Variants in ZNF746 observed in about 807,000 individuals in gnomAD.
ZNF746 encodes the protein parkin-interacting substrate.
Under a neutral mutation model 41.0 loss-of-function variants are expected in ZNF746, and 13 were observed. The ratio of observed to expected loss-of-function variants is 0.32; its 90% CI spans 0.21 to 0.50. The LOEUF (loss-of-function observed/expected upper bound fraction) is 0.50, where lower values mean the gene tolerates loss of function less well. ZNF746 is among the 20% of genes least tolerant of loss of function. ZNF746 has a pLI of 0.98. For missense variants in ZNF746, 811 were observed against 922.9 expected (o/e 0.88, Z 1.57); for synonymous variants, 424 against 396.2 (o/e 1.07, Z -0.83).
chr7:149,497,430 C>T lies in ZNF746; in HGVS notation c.24+83G>A, dbSNP rs867638197. Reference sequence around the variant, plus strand: ...CGGCCCGGACCCCGGAACCCCTCCCCAGGGCCTGCGGCGCCGTGTGCCGGG... The same window carrying T: ...CGGCCCGGACCCCGGAACCCCTCCCTAGGGCCTGCGGCGCCGTGTGCCGGG... On this transcript the variant is annotated intron_variant, in intron 1 of 6. Transcript: ENST00000458143. This position sits in a 1 kb window ranked among gnomAD's most constrained non-coding sequence, Gnocchi z 4.2. The T allele has an allele frequency of 9.6e-6, 10 of 1,043,376 alleles. No individual in the cohort carries two copies. Among genetic ancestry groups the T allele is most frequent in the Middle Eastern group, 4.4e-4 (1 of 2,260 alleles). The allele number at this position is 1,043,376 out of a possible 1,614,324, so 64.6% of individuals were successfully genotyped here.
rs1263671367 is a variant in ZNF746, at chr7:149,474,948, C to A, written c.1419G>T (p.Thr473=). The change falls in exon 7 of 7, where the codon ACG becomes ACT. Residue 473 remains threonine (T), a synonymous_variant. Coordinates refer to ENST00000458143, the MANE Select transcript of ZNF746 (RefSeq NM_001394198.1). This position sits in a 1 kb window ranked among gnomAD's most constrained non-coding sequence, Gnocchi z 6.3. ...PPGGRPFTCA[T]CGKSFQLQVS... is the part of the protein sequence containing the mutation. Reference sequence around the variant, plus strand: ...CTTGCAGCTGGAAGCTCTTCCCACACGTGGCGCAGGTGAAGGGCCGGCCCC... The same window carrying A: ...CTTGCAGCTGGAAGCTCTTCCCACAAGTGGCGCAGGTGAAGGGCCGGCCCC... The A allele has an allele frequency of 5.8e-6, 9 of 1,545,646 alleles. No individual in the cohort carries two copies. The highest frequency in any genetic ancestry group is 2.7e-5 in the African/African-American group (2 of 72,936).
At chr7:149,477,940 T>C (rs546821227) in intron 4 of ZNF746, 185 bp from the exon 5 acceptor site, 11 of 501,242 alleles carry the variant, frequency 2.2e-5, no homozygotes, top group African/African-American at 5.8e-5. Flanking sequence ...TCACATGGTA[T>C]TGGGAATGCG....
Position 149,494,332 on chromosome 7 carries a change from C to T in ZNF746, c.196G>A (p.Val66Met), listed in dbSNP as rs751170528. The T allele has an allele frequency of 4.3e-6, 7 of 1,614,056 alleles. No homozygotes were observed. Among genetic ancestry groups the T allele is most frequent in the Middle Eastern group, 1.7e-4 (1 of 6,056 alleles). ...FGNQLEGKWA[V>M]LGTLLQEYGL... The stretch of plus-strand genomic sequence containing the variant: ...TACTCCTGCAGCAGGGTCCCCAGCA[C>T]GGCCCACTTGCCCTCCAGCTGGTTC... The change falls in exon 2 of 7, where the codon GTG (valine) becomes ATG (methionine). Residue 66 changes from valine (V) to methionine (M), a missense_variant. Val to Met is a conservative substitution (Grantham distance 21). Coordinates refer to ENST00000458143, the MANE Select transcript of ZNF746 (RefSeq NM_001394198.1). The surrounding 1 kb of genome is among the most constrained non-coding windows in gnomAD (Gnocchi z 5.6).
intron 1 of ZNF746, among the ~76,000 whole-genome samples, chr7:149,496,131 C>T (rs1243961453): frequency 6.6e-6 from 1 of 152,222 alleles, no homozygotes; most frequent in Non-Finnish European, 1.5e-5. Context: ...CCTACCCATC[C>T]TCCACGTGCA....
In ZNF746 at chr7:149,476,918, G is replaced by A. The variant is rs999307999; in HGVS notation, c.883+4C>T. On this transcript the variant is annotated splice_donor_region_variant and intron_variant, in intron 6 of 6. Transcript: ENST00000458143. ...CCTTCCCTTCCTCCTCTCGCCACCTGTACCTTCCGTGGAGGCTGCTGTGTT... is the reference window on the plus strand; with the variant it reads ...CCTTCCCTTCCTCCTCTCGCCACCTATACCTTCCGTGGAGGCTGCTGTGTT... 6.2e-7 allele frequency: 1 copy of A among 1,613,982 alleles called. No homozygotes were observed. The highest frequency in any genetic ancestry group is 8.5e-7 in the Non-Finnish European group (1 of 1,179,940).
chr7:149,491,517 G>C (rs1800807742), intron 4 of ZNF746: 3 of 256,488 alleles, frequency 1.2e-5, no homozygotes, highest in Non-Finnish European at 7.8e-6. Context: ...GTCCTCTAGT[G>C]TTCAGCACTG....
Position 149,475,167 on chromosome 7 carries a change from C to G in ZNF746, c.1200G>C (p.Arg400=), listed in dbSNP as rs147005430. ...GGTTCAGGCCCACTGGCGGTTTACA[C>G]CGGAAATTCCAGCCCCACCGGACCC... is the stretch of plus-strand genomic sequence containing the variant. ...FGGVRWGWNF[R]CKPPVGLNPR... The change falls in exon 7 of 7, where the codon CGG becomes CGC. Residue 400 remains arginine, a synonymous_variant. Transcript: ENST00000458143. 6.2e-7 allele frequency: 1 copy of G among 1,612,628 alleles called. No individual in the cohort carries two copies. The highest frequency in any genetic ancestry group is 1.7e-5 in the Admixed American group (1 of 59,986).
At chr7:149,489,033 A>C (rs1259642720) in intron 4 of ZNF746, 1 of 152,240 alleles carries the variant, frequency 6.6e-6, no homozygotes, top group Admixed American at 6.5e-5. Context: ...GATAAGTCTG[A>C]AATACAGAAT....
At chr7:149,478,790 A>G (rs1378279233) in intron 4 of ZNF746, among the ~76,000 whole-genome samples, 19 of 152,274 alleles carry the variant, frequency 1.2e-4, no homozygotes, top group Admixed American at 1.2e-3. Flanking sequence ...CAGAATCTTT[A>G]AGGCAAGAAC....
At chr7:149,492,274 G>A (rs531443318) in intron 4 of ZNF746, among the ~76,000 whole-genome samples, 2 of 152,300 alleles carry the variant, frequency 1.3e-5, no homozygotes, top group Non-Finnish European at 2.9e-5. Flanking sequence ...TGAGGAGGAT[G>A]ACCTTTATGA....
At chr7:149,476,513 T>C (rs1455234071) in intron 6 of ZNF746, among the ~76,000 whole-genome samples, 3 of 152,084 alleles carry the variant, frequency 2.0e-5, no homozygotes, top group African/African-American at 7.2e-5. Context: ...ATAAATTTGG[T>C]GGTGGTTCTT....
At position 149,475,326 on chromosome 7, in the gene ZNF746, G is replaced by A. The variant is rs777548047; in HGVS notation, c.1041C>T (p.Ser347=). The A allele has an allele frequency of 6.2e-7, 1 of 1,614,066 alleles. No individual in the cohort carries two copies. The highest frequency in any genetic ancestry group is 8.5e-7 in the Non-Finnish European group (1 of 1,180,000). The part of the protein sequence containing the change: ...PSPAQEGAWE[S]QGSSFPSQDP... Reference sequence around the variant, plus strand: ...CCTGGCTGGGGAAGGAGCTGCCCTGGCTTTCCCAGGCTCCTTCCTGGGCAG... The same window carrying A: ...CCTGGCTGGGGAAGGAGCTGCCCTGACTTTCCCAGGCTCCTTCCTGGGCAG... The change falls in exon 7 of 7, where the codon AGC becomes AGT. Residue 347 remains serine (S), a synonymous_variant. Transcript: ENST00000458143.
chr7:149,477,023 G>C lies in ZNF746; in HGVS notation c.782C>G (p.Thr261Ser). 1 of 1,613,636 alleles carries C rather than the reference G, an allele frequency of 6.2e-7. No individual in the cohort carries two copies. Among genetic ancestry groups the C allele is most frequent in the Middle Eastern group, 1.6e-4 (1 of 6,062 alleles). The change falls in exon 6 of 7, where the codon ACC (threonine) becomes AGC (serine). Residue 261 changes from threonine (T) to serine (S), a missense_variant. Transcript: ENST00000458143. The stretch of plus-strand genomic sequence containing the variant: ...CGTTTGCCAGGAGGTGGGCGGGATG[G>C]TGGTGGAAAAGTTGGAATGGACACC... The part of the protein sequence containing the change: ...TSGVHSNFST[T>S]IPPTSWQTDL...
rs772366487 is a variant in ZNF746, at chr7:149,475,354, C to T, written c.1013G>A (p.Ser338Asn). Residue 338 changes from serine (S) to asparagine (N), a missense_variant, in exon 7 of 7, where the codon AGT (serine) becomes AAT (asparagine). This residue lies in a region of ZNF746 where 495 missense variants were observed against 481.6 expected (regional missense o/e 1.03). Transcript: ENST00000458143. ...TTCCCAGGCTCCTTCCTGGGCAGGA[C>T]TAGGGAAGAACCGTGTGGCTTGGCC... ...GPGQATRFFP[S>N]PAQEGAWESQ... 5 of 1,614,008 alleles carry T rather than the reference C, an allele frequency of 3.1e-6. No homozygotes were observed. Among genetic ancestry groups the T allele is most frequent in the South Asian group, 1.1e-5 (1 of 91,092 alleles).
At position 149,474,496 on chromosome 7, in the gene ZNF746, G is replaced by A. The variant is rs1266331859; in HGVS notation, c.1871C>T (p.Pro624Leu). 9 of 1,610,368 alleles carry A rather than the reference G, an allele frequency of 5.6e-6. No homozygotes were observed. The highest frequency in any genetic ancestry group is 5.9e-6 in the Non-Finnish European group (7 of 1,178,354). ...GGAGGCGGGGCTCTTGAAGGGATCA[G>A]GAGGTGCGGGCGGCGTCGGGAGTGG... is the stretch of plus-strand genomic sequence containing the variant. ...GQPLPTPPAP[P>L]DPFKSPASKG... The change falls in exon 7 of 7, where the codon CCT (proline) becomes CTT (leucine). Residue 624 changes from proline (P) to leucine (L), a missense_variant. Pro to Leu is a moderately conservative substitution (Grantham distance 98). Around this residue, in one of 4 missense-constraint regions of ZNF746, gnomAD observed 99 missense variants for 80.3 expected, o/e 1.23. Transcript: ENST00000458143. The surrounding 1 kb of genome is among the most constrained non-coding windows in gnomAD (Gnocchi z 6.3).
At position 149,492,787 on chromosome 7, in the gene ZNF746, C is replaced by T. The variant is rs527444033; in HGVS notation, c.565+72G>A. ...CTCGACTCTCTCTGGAAAGATCACA[C>T]CCTTTCTGGCCTTTCCGTCTCTGTT... On this transcript the variant is annotated intron_variant, in intron 4 of 6. Transcript: ENST00000458143. The T allele has an allele frequency of 3.4e-4, 355 of 1,051,468 alleles. 1 individual carries two copies. The highest frequency in any genetic ancestry group is 4.6e-4 in the Non-Finnish European group (318 of 686,682). The allele number at this position is 1,051,468 out of a possible 1,614,324, so 65.1% of individuals were successfully genotyped here.
intron 1 of ZNF746, among the ~76,000 whole-genome samples, chr7:149,495,504 G>C (rs949422121): frequency 5.3e-5 from 8 of 152,188 alleles, no homozygotes; most frequent in African/African-American, 1.9e-4. Flanking sequence ...GGTGGGTAGG[G>C]AGCTGGACTG....
In ZNF746 at chr7:149,494,561, C is replaced by G. The variant is rs1162602086; in HGVS notation, c.25-58G>C. On this transcript the variant is annotated intron_variant, in intron 1 of 6. Transcript: ENST00000458143. The surrounding 1 kb of genome is among the most constrained non-coding windows in gnomAD (Gnocchi z 5.6). Reference sequence around the variant, plus strand: ...CATTCCATCCACTGTCTTCATTGAGCCCCTCTCTCCCTAGGCACGGGGGAG... The same window carrying G: ...CATTCCATCCACTGTCTTCATTGAGGCCCTCTCTCCCTAGGCACGGGGGAG... The G allele has an allele frequency of 1.1e-5, 17 of 1,596,696 alleles. No individual in the cohort carries two copies. The highest frequency in any genetic ancestry group is 1.4e-5 in the Non-Finnish European group (16 of 1,169,328).
chr7:149,475,031 G>A lies in ZNF746; in HGVS notation c.1336C>T (p.Arg446Trp), dbSNP rs1158940470. Residue 446 changes from arginine (R) to tryptophan (W), a missense_variant, in exon 7 of 7, where the codon CGG (arginine) becomes TGG (tryptophan). By Grantham distance (101) the Arg-to-Trp change is moderately radical. Coordinates refer to ENST00000458143, the MANE Select transcript of ZNF746 (RefSeq NM_001394198.1). ...GGCTTGTGGCCAAAGCCTTTGGTCC[G>A]GCCAGGGTATTTACAGGGTTCGTTG... is the stretch of plus-strand genomic sequence containing the variant. ...PFNEPCKYPG[R>W]TKGFGHKPGL... 8 of 1,560,306 alleles carry A rather than the reference G, an allele frequency of 5.1e-6. No homozygotes were observed. In the African/African-American group the frequency reaches 6.8e-5, roughly 13 times the overall value.
Sources: allele counts gnomAD v4.1 joint callset (sites outside exome capture counted in the v4.1 genomes callset), GRCh38; gene constraint gnomAD v4.1.1; regional missense constraint gnomAD v4.1.1; non-coding constraint Gnocchi (gnomAD v3.1); transcripts MANE v1.5; gene names NCBI Gene and HGNC (gene_info 2026-07-23, HGNC 2026-07-21).